The following SLC4A5 variants were observed in gnomAD, a reference collection of about 807,000 sequenced individuals.
SLC4A5 encodes the protein solute carrier family 4 member 5, also known as electrogenic sodium bicarbonate cotransporter 4.
SLC4A5 carries 96 observed loss-of-function variants against 120.4 expected under a neutral mutation model. The observed-to-expected ratio is 0.80, with a 90% CI of 0.68 to 0.94. SLC4A5 has a LOEUF of 0.94. SLC4A5 is among the 40% of genes least tolerant of loss of function. SLC4A5 has a pLI of 0.00. For missense variants in SLC4A5, 1,259 were observed against 1,459.5 expected, an observed-to-expected ratio of 0.86 and a Z score of 2.24; for synonymous variants, 550 against 571.1, an observed-to-expected ratio of 0.96 and a Z score of 0.53.
chr2:74,326,139 A>T (rs1673211507), intron 5 of SLC4A5, among the ~76,000 whole-genome samples: 1 of 152,148 alleles, frequency 6.6e-6, no homozygotes, highest in Non-Finnish European at 1.5e-5. Flanking sequence ...TTTGATGTTT[A>T]AAAAAATAAA....
At chr2:74,246,379 T>C (rs938017179) in intron 19 of SLC4A5, among the ~76,000 whole-genome samples, 3 of 152,210 alleles carry the variant, frequency 2.0e-5, no homozygotes, top group Admixed American at 2.0e-4. Flanking sequence ...AGCATCTGGC[T>C]TCCTGGAGCT....
At chr2:74,291,717 G>A (rs1032946452) in intron 7 of SLC4A5, among the ~76,000 whole-genome samples, 5 of 152,158 alleles carry the variant, frequency 3.3e-5, no homozygotes, top group Non-Finnish European at 7.3e-5. Context: ...CAATCCTTCC[G>A]CCTCAGCCTC....
In SLC4A5 at chr2:74,332,138, T is replaced by C. The variant is rs573441325; in HGVS notation, c.-70+1889A>G. Among the ~76,000 whole-genome samples, 12 of 152,316 alleles carry C rather than the reference T, an allele frequency of 7.9e-5. No homozygotes were observed. In the South Asian group the frequency reaches 8.3e-4, roughly 11 times the overall value. ...TTTAGTTCCAGCTGCTGGACTTCTA[T>C]ATCTTATTTCTCATTTGATTCTAAG... On this transcript the variant is annotated intron_variant, in intron 4 of 30. Coordinates refer to ENST00000394019, the Ensembl canonical transcript of SLC4A5.
chr2:74,330,240 G>A (rs972912376), intron 4 of SLC4A5, among the ~76,000 whole-genome samples: 3 of 151,606 alleles, frequency 2.0e-5, no homozygotes. Context: ...GGTGTAGATG[G>A]TGATGGTGAT....
chr2:74,249,958 T>G lies in SLC4A5; in HGVS notation c.1653+385A>C, dbSNP rs909061810. ...GCTTACCATCCTTCTAAAAATGTCT[T>G]AACTCCAAACTAAGAATTCAAGGTT... is the stretch of plus-strand genomic sequence containing the variant. On this transcript the variant is annotated intron_variant, in intron 17 of 30. Transcript: ENST00000394019. 3.9e-5 allele frequency among the ~76,000 whole-genome samples: 6 copies of G among 152,262 alleles called. No homozygotes were observed. The South Asian group carries it at 1.2e-3, about 32-fold the overall frequency.
At chr2:74,330,003 T>A (rs1673312869) in intron 4 of SLC4A5, among the ~76,000 whole-genome samples, 1 of 151,276 alleles carries the variant, frequency 6.6e-6, no homozygotes, top group South Asian at 2.1e-4. Flanking sequence ...GAGGTATACA[T>A]GGTGATGAGG....
chr2:74,300,270 G>A (rs1421492528), intron 7 of SLC4A5, among the ~76,000 whole-genome samples: 2 of 152,144 alleles, frequency 1.3e-5, no homozygotes, highest in Non-Finnish European at 2.9e-5. Flanking sequence ...TGTACTGCAT[G>A]GTGACTATAG....
At chr2:74,276,907 C>T (rs907575257) in intron 8 of SLC4A5, among the ~76,000 whole-genome samples, 6 of 151,900 alleles carry the variant, frequency 3.9e-5, no homozygotes, top group African/African-American at 1.5e-4. Flanking sequence ...TGGCCAAAGG[C>T]AGGGACAAGC....
chr2:74,284,596 C>T (rs978555510), intron 8 of SLC4A5, among the ~76,000 whole-genome samples: 2 of 152,160 alleles, frequency 1.3e-5, no homozygotes, highest in South Asian at 2.1e-4. Context: ...GGAGAAATAT[C>T]GGCAGTCTGT....
At chr2:74,315,375 G>A (rs755130472) in intron 5 of SLC4A5, among the ~76,000 whole-genome samples, 24 of 150,850 alleles carry the variant, frequency 1.6e-4, no homozygotes, top group South Asian at 6.3e-4. Flanking sequence ...GGGAGGTGGA[G>A]GTTGCAATGA....
intron 7 of SLC4A5, among the ~76,000 whole-genome samples, chr2:74,295,704 C>G (rs1021957034): frequency 6.6e-6 from 1 of 152,098 alleles, no homozygotes; most frequent in African/African-American, 2.4e-5. Context: ...AGTAAACCCC[C>G]TCCATGGTTC....
chr2:74,229,264 G>GT (rs1235725276), intron 25 of SLC4A5, among the ~76,000 whole-genome samples: 1 of 147,454 alleles, frequency 6.8e-6, no homozygotes, highest in Non-Finnish European at 1.5e-5. Flanking sequence ...TTTTTTGGGG[G>GT]GGGCACGGAG....
At chr2:74,312,430 A>G in intron 6 of SLC4A5, among the ~76,000 whole-genome samples, 1 of 152,018 alleles carries the variant, frequency 6.6e-6, no homozygotes, top group East Asian at 1.9e-4. Context: ...GGGTTTCACC[A>G]TGTTGGCCAG....
At chr2:74,267,919 A>T (rs1314732563) in intron 8 of SLC4A5, among the ~76,000 whole-genome samples, 1 of 151,664 alleles carries the variant, frequency 6.6e-6, no homozygotes, top group Non-Finnish European at 1.5e-5. Flanking sequence ...TGGAAGGCAG[A>T]GGTTGCAGTG....
At chr2:74,227,814 A>C (rs1694903739) in exon 26 of SLC4A5, 1 of 1,609,222 alleles carries the variant, frequency 6.2e-7, no homozygotes, top group African/African-American at 1.3e-5. Flanking sequence ...CCTTACCTGG[A>C]TGCCATTCAG....
intron 11 of SLC4A5, among the ~76,000 whole-genome samples, chr2:74,259,995 G>T (rs937398516): frequency 6.6e-6 from 1 of 152,208 alleles, no homozygotes; most frequent in African/African-American, 2.4e-5. Flanking sequence ...CGCATTATTA[G>T]GTGAGGTTCC....
intron 7 of SLC4A5, among the ~76,000 whole-genome samples, chr2:74,302,549 A>G (rs1468320093): frequency 3.9e-5 from 6 of 152,180 alleles, no homozygotes; most frequent in Admixed American, 6.5e-5. Context: ...CCTGGGAGGC[A>G]GAGGTTGTAG....
intron 5 of SLC4A5, among the ~76,000 whole-genome samples, chr2:74,322,031 G>A (rs1274246382): frequency 6.6e-6 from 1 of 152,068 alleles, no homozygotes; most frequent in African/African-American, 2.4e-5. Context: ...CACGGACCTT[G>A]AGACTTTGAG....
chr2:74,264,156 A>G, exon 10 of SLC4A5: 1 of 1,613,772 alleles, frequency 6.2e-7, no homozygotes, highest in South Asian at 1.1e-5. Flanking sequence ...CTTGTGGTGG[A>G]GACTGACTTC....
Sources: allele counts gnomAD v4.1 joint callset (sites outside exome capture counted in the v4.1 genomes callset), GRCh38; gene constraint gnomAD v4.1.1; transcripts MANE v1.5; gene names NCBI Gene and HGNC (gene_info 2026-07-23, HGNC 2026-07-21).